The following ALPK2 variants were observed in gnomAD, a reference collection of about 807,000 sequenced individuals.
ALPK2 encodes alpha kinase 2.
Under a neutral mutation model 163.1 loss-of-function variants are expected in ALPK2, and 127 were observed. The observed-to-expected ratio is 0.78, with a 90% CI of 0.67 to 0.90. The LOEUF is 0.90. Among genes scored for constraint, ALPK2 ranks in the 40% least tolerant of loss-of-function variants. The pLI is 0.00. For missense variants in ALPK2, 2,360 were observed against 2,589.6 expected (o/e 0.91, Z 1.92); for synonymous variants, 953 against 959.1 (o/e 0.99, Z 0.12).
At chr18:58,552,817 T>G (rs1005185062) in intron 4 of ALPK2, among the ~76,000 whole-genome samples, 1 of 152,142 alleles carries the variant, frequency 6.6e-6, no homozygotes, top group Non-Finnish European at 1.5e-5. Context: ...CCGTGGTGGC[T>G]GGGGGAATGG....
chr18:58,538,126 T>C lies in ALPK2; in HGVS notation c.2061A>G (p.Thr687=). ...AGEESPFTGT[T]TISFSNLGGV... ...CTCCTAAGTTTGAGAAGGAAATTGT[T>C]GTGGTCCCAGTGAATGGGGACTCCT... Residue 687 remains threonine, a synonymous_variant, in exon 5 of 13, where the codon ACA becomes ACG. Coordinates refer to ENST00000361673, the MANE Select transcript of ALPK2 (RefSeq NM_052947.4). 6.2e-7 allele frequency: 1 copy of C among 1,614,104 alleles called. No individual in the cohort carries two copies. Among genetic ancestry groups the C allele is most frequent in the Middle Eastern group, 1.6e-4 (1 of 6,062 alleles).
At chr18:58,574,929 A>G (rs2051911328) in intron 4 of ALPK2, among the ~76,000 whole-genome samples, 1 of 152,042 alleles carries the variant, frequency 6.6e-6, no homozygotes, top group Non-Finnish European at 1.5e-5. Context: ...ATCACACCTA[A>G]CTGGCTGGGC....
rs1370432531 is a variant in ALPK2, at chr18:58,537,240, T to C, written c.2947A>G (p.Ser983Gly). ...ATPASYSSIV[S>G]FPWEKPTTLT... The stretch of plus-strand genomic sequence containing the variant: ...GTTGTTGGCTTCTCCCAAGGAAAAC[T>C]CACAATTGAACTATAACTGGCTGGT... The change falls in exon 5 of 13, where the codon AGT (serine) becomes GGT (glycine). Residue 983 changes from serine to glycine, a missense_variant. Ser to Gly is a moderately conservative substitution (Grantham distance 56). Coordinates refer to ENST00000361673, the MANE Select transcript of ALPK2 (RefSeq NM_052947.4). 6.2e-7 allele frequency: 1 copy of C among 1,614,182 alleles called. No individual in the cohort carries two copies.
Position 58,537,202 on chromosome 18 carries a change from A to G in ALPK2, c.2985T>C (p.Asn995=), listed in dbSNP as rs1226033938. 3.1e-6 allele frequency: 5 copies of G among 1,614,034 alleles called. No homozygotes were observed. Among genetic ancestry groups the G allele is most frequent in the Non-Finnish European group, 4.2e-6 (5 of 1,180,002 alleles). The change falls in exon 5 of 13, where the codon AAT becomes AAC. Residue 995 remains asparagine (N), a synonymous_variant. Transcript: ENST00000361673. ...CCCTGGTCGCTTGAAAGCACTCATT[A>G]TTAGCAGTTAATGTTGTTGGCTTCT... ...PWEKPTTLTA[N]NECFQATRET...
intron 4 of ALPK2, among the ~76,000 whole-genome samples, chr18:58,567,283 C>T (rs907916093): frequency 2.6e-5 from 4 of 151,648 alleles, no homozygotes; most frequent in Non-Finnish European, 5.9e-5. Flanking sequence ...ACTCGGAAGG[C>T]TGAGACAAGA....
At chr18:58,601,166 A>G (rs2052067534) in intron 3 of ALPK2, among the ~76,000 whole-genome samples, 2 of 152,030 alleles carry the variant, frequency 1.3e-5, no homozygotes, top group African/African-American at 4.8e-5. Context: ...TGAGGCAGGA[A>G]AATTGCTTGA....
intron 6 of ALPK2, among the ~76,000 whole-genome samples, 198 bp from the exon 7 acceptor site, chr18:58,524,260 C>G (rs533677063): frequency 2.6e-5 from 4 of 152,016 alleles, no homozygotes; most frequent in Admixed American, 2.6e-4. Context: ...TTTTGGCTAA[C>G]ACGCTCACTC....
At chr18:58,605,868 T>C (rs1462814281) in intron 3 of ALPK2, among the ~76,000 whole-genome samples, 1 of 152,224 alleles carries the variant, frequency 6.6e-6, no homozygotes, top group Non-Finnish European at 1.5e-5. Context: ...AGAGTTGACA[T>C]TTTGTAAGGG....
At chr18:58,515,137 T>C (rs2051514665) in intron 9 of ALPK2, 56 bp from the exon 10 acceptor site, 1 of 1,343,942 alleles carries the variant, frequency 7.4e-7, no homozygotes, top group Non-Finnish European at 1.1e-6. Flanking sequence ...TCAGACAGTA[T>C]TGCCCAGTAA....
intron 2 of ALPK2, 24 bp downstream of exon 2, chr18:58,611,665 A>G: frequency 6.3e-7 from 1 of 1,593,016 alleles, no homozygotes; most frequent in Non-Finnish European, 8.6e-7. Context: ...TTAGAGGGTG[A>G]TTAGCTAGTC....
chr18:58,558,451 G>C (rs780078806), intron 4 of ALPK2, among the ~76,000 whole-genome samples: 1 of 152,148 alleles, frequency 6.6e-6, no homozygotes, highest in Non-Finnish European at 1.5e-5. Context: ...AGTAAAAGAC[G>C]TAAGTGTCTT....
intron 3 of ALPK2, among the ~76,000 whole-genome samples, chr18:58,604,910 C>T (rs1437667399): frequency 6.6e-6 from 1 of 152,178 alleles, no homozygotes; most frequent in Non-Finnish European, 1.5e-5. Context: ...TCTGGGGCTT[C>T]CTCATGGGCT....
intron 3 of ALPK2, among the ~76,000 whole-genome samples, chr18:58,582,606 T>C (rs2051964507): frequency 6.6e-6 from 1 of 152,206 alleles, no homozygotes; most frequent in Non-Finnish European, 1.5e-5. Flanking sequence ...GAGATTTACT[T>C]TGAGCCAAAT....
intron 10 of ALPK2, 61 bp from the exon 11 acceptor site, chr18:58,504,209 G>A (rs1206692500): frequency 1.4e-5 from 19 of 1,388,034 alleles, no homozygotes; most frequent in East Asian, 4.6e-5. Flanking sequence ...AGGCTCCTGC[G>A]GCATTCTACT....
rs571336366 is a variant in ALPK2 at position 58,485,903 on chromosome 18, G to C, written c.6297-3864C>G. Among the ~76,000 whole-genome samples, 3 of 152,360 alleles carry C rather than the reference G, an allele frequency of 2.0e-5. No homozygotes were observed. In the South Asian group the frequency reaches 6.2e-4, roughly 32 times the overall value. On this transcript the variant is annotated intron_variant, in intron 12 of 12. Transcript: ENST00000361673. Reference sequence around the variant, plus strand: ...CATTGGAAACAAGTCCCGGTCATTTGCATCAGGACTGCCTCGAGGCTTTTC... The same window carrying C: ...CATTGGAAACAAGTCCCGGTCATTTCCATCAGGACTGCCTCGAGGCTTTTC...
At chr18:58,609,638 A>G (rs2052117356) in intron 2 of ALPK2, among the ~76,000 whole-genome samples, 2 of 152,186 alleles carry the variant, frequency 1.3e-5, no homozygotes, top group African/African-American at 4.8e-5. Flanking sequence ...CTGAACAATC[A>G]GCCAGAAATG....
At chr18:58,530,766 G>A (rs1476395997) in intron 5 of ALPK2, among the ~76,000 whole-genome samples, 2 of 152,216 alleles carry the variant, frequency 1.3e-5, no homozygotes, top group African/African-American at 4.8e-5. Context: ...GGTGGAAAGT[G>A]CAGCTGAACG....
intron 4 of ALPK2, among the ~76,000 whole-genome samples, chr18:58,542,765 CCCTT>C (rs1465350696): frequency 6.6e-6 from 1 of 152,154 alleles, no homozygotes; most frequent in African/African-American, 2.4e-5. Flanking sequence ...CAATAGACCT[CCCTT>C]CCAAGTGCAG....
intron 3 of ALPK2, among the ~76,000 whole-genome samples, chr18:58,603,148 CA>C (rs2052079820): frequency 6.6e-6 from 1 of 152,202 alleles, no homozygotes; most frequent in Non-Finnish European, 1.5e-5. Flanking sequence ...AAACTTGCTC[CA>C]AATTCTTTCT....
Sources: gnomAD v4.1 joint callset for allele counts (sites outside exome capture counted in the v4.1 genomes callset) on GRCh38, gnomAD v4.1.1 for gene constraint, MANE v1.5 for transcripts, NCBI Gene and HGNC (gene_info 2026-07-23, HGNC 2026-07-21) for gene names.